Variants in KSR2 observed in about 807,000 individuals in gnomAD.
KSR2 encodes the protein kinase suppressor of ras 2.
In KSR2, 25 loss-of-function variants were observed where a neutral mutation model predicts 107.8. The ratio of observed to expected loss-of-function variants is 0.23; its 90% CI spans 0.17 to 0.32. The LOEUF (loss-of-function observed/expected upper bound fraction) is 0.32. Ranked by LOEUF, KSR2 falls within the 10% of genes least tolerant of loss-of-function variation. The pLI is 1.00. For missense variants in KSR2, 887 were observed against 1,268.9 expected (o/e 0.70, Z 4.57); for synonymous variants, 480 against 507.0 (o/e 0.95, Z 0.71).
At chr12:117,590,241 A>G (rs1880241657) in intron 5 of KSR2, among the ~76,000 whole-genome samples, 1 of 152,194 alleles carries the variant, frequency 6.6e-6, no homozygotes, top group Admixed American at 6.5e-5. Context: ...TAGAGACAAG[A>G]CCTTGAGTGT....
chr12:117,655,727 C>A (rs1221048977), intron 5 of KSR2, among the ~76,000 whole-genome samples: 2 of 152,222 alleles, frequency 1.3e-5, no homozygotes, highest in Admixed American at 6.5e-5. Context: ...ACACTTTGAG[C>A]TCCTCCTACC....
At chr12:117,933,925 A>T (rs888854960) in intron 1 of KSR2, among the ~76,000 whole-genome samples, 2 of 152,154 alleles carry the variant, frequency 1.3e-5, no homozygotes, top group Non-Finnish European at 2.9e-5. Flanking sequence ...GCGCCTCTTA[A>T]ATGGGAGGGC....
At chr12:117,600,758 A>C in intron 5 of KSR2, among the ~76,000 whole-genome samples, 1 of 152,146 alleles carries the variant, frequency 6.6e-6, no homozygotes, top group East Asian at 1.9e-4. Flanking sequence ...TCCAAACCCC[A>C]CTCAAAGCTT....
At chr12:117,757,337 T>G (rs1011169832) in intron 4 of KSR2, among the ~76,000 whole-genome samples, 2 of 152,234 alleles carry the variant, frequency 1.3e-5, no homozygotes, top group Non-Finnish European at 2.9e-5. Context: ...AAGGAGTTGC[T>G]TCTTACGGAT....
chr12:117,570,891 A>C (rs1878847598), intron 7 of KSR2, among the ~76,000 whole-genome samples: 1 of 152,142 alleles, frequency 6.6e-6, no homozygotes, highest in Non-Finnish European at 1.5e-5. Context: ...CACTGTCATA[A>C]GTTGAGTTTT....
chr12:117,600,044 GT>G (rs1266154563), intron 5 of KSR2, among the ~76,000 whole-genome samples: 4 of 152,154 alleles, frequency 2.6e-5, no homozygotes, highest in Non-Finnish European at 4.4e-5. Flanking sequence ...TCTTCTTTGA[GT>G]GACCAGCAAG....
chr12:117,869,133 A>G (rs535151304), intron 1 of KSR2, among the ~76,000 whole-genome samples: 114 of 151,222 alleles, frequency 7.5e-4, no homozygotes, highest in Middle Eastern at 3.4e-3. Flanking sequence ...GCACTTTGGG[A>G]GGCCGAGGTG....
In KSR2 at chr12:117,761,215, G is replaced by C. The variant is rs1354361499; in HGVS notation, c.782C>G (p.Pro261Arg). The change falls in exon 4 of 20, where the codon CCG becomes CGG. Residue 261 changes from proline (P) to arginine (R), a missense_variant. This residue lies in a region of KSR2 where 399 missense variants were observed against 479.5 expected (regional missense o/e 0.83). Coordinates refer to ENST00000339824, the MANE Select transcript of KSR2 (RefSeq NM_173598.6). ...GGTGACGATGTTGGGGGTGCGCGGC[G>C]GGGTGCGGACCGCGTGCCGCTGCCG... ...SPRQRHAVRTPPRTPNIVTTV... is the reference protein window; with the variant it reads ...SPRQRHAVRTRPRTPNIVTTV... 2 of 1,565,482 alleles carry C rather than the reference G, an allele frequency of 1.3e-6. No homozygotes were observed. The highest frequency in any genetic ancestry group is 1.7e-6 in the Non-Finnish European group (2 of 1,155,070).
At chr12:117,822,728 C>T (rs1891608736) in intron 3 of KSR2, among the ~76,000 whole-genome samples, 1 of 152,130 alleles carries the variant, frequency 6.6e-6, no homozygotes. Flanking sequence ...AATGATTTGG[C>T]TCAGGATCAT....
At chr12:117,724,169 A>G (rs1887319564) in intron 4 of KSR2, among the ~76,000 whole-genome samples, 1 of 152,008 alleles carries the variant, frequency 6.6e-6, no homozygotes, top group Non-Finnish European at 1.5e-5. Flanking sequence ...TTAGCCAGGC[A>G]TGGTGGTGTG....
At chr12:117,900,751 A>G (rs1348633752) in intron 1 of KSR2, among the ~76,000 whole-genome samples, 1 of 152,232 alleles carries the variant, frequency 6.6e-6, no homozygotes, top group East Asian at 1.9e-4. Flanking sequence ...CAATGTGTTG[A>G]GTCACACACT....
intron 14 of KSR2, among the ~76,000 whole-genome samples, chr12:117,521,721 T>C (rs1164059514): frequency 6.6e-6 from 1 of 152,240 alleles, no homozygotes; most frequent in African/African-American, 2.4e-5. Context: ...CAGGTAATTA[T>C]CTGGTCTTAT....
chr12:117,509,348 TC>T (rs1383579369), intron 14 of KSR2, among the ~76,000 whole-genome samples: 1 of 151,894 alleles, frequency 6.6e-6, no homozygotes, highest in East Asian at 1.9e-4. Context: ...CACCGTGTTT[TC>T]CCCTCCAATT....
intron 3 of KSR2, among the ~76,000 whole-genome samples, chr12:117,838,199 G>T (rs1050001922): frequency 1.3e-5 from 2 of 152,292 alleles, no homozygotes; most frequent in South Asian, 2.1e-4. Context: ...ACGGAGTCTC[G>T]CACTGTCACC....
In KSR2 at chr12:117,455,090, G is replaced by C. The variant is rs1018888639; in HGVS notation, c.*12109C>G. ...AGAGAGAGGTCTGTAGAGCCAGAGAGGGATGCAGAGCAGGCCTGAGGTGGC... is the reference window on the plus strand; with the variant it reads ...AGAGAGAGGTCTGTAGAGCCAGAGACGGATGCAGAGCAGGCCTGAGGTGGC... On this transcript the variant is annotated 3_prime_UTR_variant, in exon 20 of 20. Transcript: ENST00000339824. 4.7e-5 allele frequency: 7 copies of C among 149,860 alleles called. No homozygotes were observed. The highest frequency in any genetic ancestry group is 1.8e-4 in the African/African-American group (7 of 39,640). The allele number at this position is 149,860 out of a possible 1,614,324, so 9.3% of individuals were successfully genotyped here.
In KSR2 at chr12:117,462,236, C is replaced by CAAAAAAAAAAAA. The variant is rs61299121; in HGVS notation, c.*4951_*4962dup. 2 of 66,446 alleles carry CAAAAAAAAAAAA rather than the reference C, an allele frequency of 3.0e-5. No individual in the cohort carries two copies. Among genetic ancestry groups the CAAAAAAAAAAAA allele is most frequent in the Admixed American group, 2.1e-4 (1 of 4,764 alleles). The allele number at this position is 66,446 out of a possible 1,614,324, so 4.1% of individuals were successfully genotyped here. Reference sequence around the variant, plus strand: ...GTGTTATAAGTTGTGGTGTCCCCAACAAAAAAAAAAAAAAAAAAAAAAAGA... The same window carrying CAAAAAAAAAAAA: ...GTGTTATAAGTTGTGGTGTCCCCAACAAAAAAAAAAAAAAAAAAAAAAAAAAAAAAAAAAAGA... On this transcript the variant is annotated 3_prime_UTR_variant, in exon 20 of 20. Coordinates refer to ENST00000339824, the MANE Select transcript of KSR2 (RefSeq NM_173598.6).
chr12:117,550,485 A>G (rs1877217430), intron 9 of KSR2, among the ~76,000 whole-genome samples: 1 of 152,224 alleles, frequency 6.6e-6, no homozygotes. Context: ...TGACCTCCAT[A>G]GCCCACTCCC....
intron 3 of KSR2, among the ~76,000 whole-genome samples, chr12:117,846,991 C>T (rs990404380): frequency 6.6e-5 from 10 of 152,348 alleles, no homozygotes; most frequent in African/African-American, 1.9e-4. Flanking sequence ...TGCGCCTAAG[C>T]GCGTTCGCAT....
At chr12:117,639,034 C>T (rs927386048) in intron 5 of KSR2, among the ~76,000 whole-genome samples, 5 of 152,114 alleles carry the variant, frequency 3.3e-5, no homozygotes, top group South Asian at 2.1e-4. Context: ...ACCCTAATCC[C>T]GGCCCTCATT....
Sources: gnomAD v4.1 joint callset for allele counts (sites outside exome capture counted in the v4.1 genomes callset) on GRCh38, gnomAD v4.1.1 for gene constraint, gnomAD v4.1.1 regional missense constraint, MANE v1.5 for transcripts, NCBI Gene and HGNC (gene_info 2026-07-23, HGNC 2026-07-21) for gene names.